Variants in REXO5 observed in about 807,000 individuals in gnomAD.
REXO5 encodes exonuclease NEF-sp.
In REXO5, 48 loss-of-function variants were observed where a neutral mutation model predicts 88.5. The ratio of observed to expected loss-of-function variants is 0.54; its 90% CI spans 0.43 to 0.69. The LOEUF is 0.69. Among genes scored for constraint, REXO5 ranks in the 30% least tolerant of loss-of-function variants. REXO5 has a pLI of 0.00. For synonymous variants in REXO5, 311 were observed against 336.5 expected, an observed-to-expected ratio of 0.92 and a Z score of 0.83; for missense variants, 749 against 912.2, an observed-to-expected ratio of 0.82 and a Z score of 2.30.
chr16:20,812,734 G>A (rs1403946600), intron 2 of REXO5, among the ~76,000 whole-genome samples: 5 of 152,074 alleles, frequency 3.3e-5, no homozygotes, highest in Admixed American at 6.6e-5. Context: ...TGTTGAATGC[G>A]ATGTTCCCTC....
At chr16:20,840,203 C>T (rs1424763561) in intron 14 of REXO5, 128 bp from the exon 15 acceptor site, 1 of 755,036 alleles carries the variant, frequency 1.3e-6, no homozygotes, top group Non-Finnish European at 2.0e-6. Context: ...CTTCAGTGAA[C>T]ATCCTTGGAC....
chr16:20,848,726 A>G (rs2081648715), intron 19 of REXO5, among the ~76,000 whole-genome samples: 1 of 152,236 alleles, frequency 6.6e-6, no homozygotes, highest in South Asian at 2.1e-4. Context: ...GGAACTAACA[A>G]GTATTGAAGG....
chr16:20,845,334 C>T (rs1241957916), intron 18 of REXO5, 93 bp downstream of exon 18: 4 of 1,146,138 alleles, frequency 3.5e-6, no homozygotes, highest in Non-Finnish European at 4.9e-6. Flanking sequence ...CTACCCTGGC[C>T]CTCAGTCTTA....
At chr16:20,824,376 A>G in intron 6 of REXO5, 63 bp from the exon 7 acceptor site, 1 of 911,534 alleles carries the variant, frequency 1.1e-6, no homozygotes, top group South Asian at 1.4e-5. Context: ...ACCTGCTTGA[A>G]TCTAAGAGTG....
intron 4 of REXO5, 133 bp downstream of exon 4, chr16:20,815,186 T>C: frequency 3.6e-6 from 3 of 826,052 alleles, no homozygotes; most frequent in East Asian, 2.8e-5. Flanking sequence ...AAAAAGACCT[T>C]AGAGGCCTCA....
rs536485883 is a variant in REXO5, at chr16:20,835,167, C to CTTTCT, written c.1383+2057_1383+2061dup. 4.5e-3 allele frequency among the ~76,000 whole-genome samples: 685 copies of CTTTCT among 150,950 alleles called. 4 individuals carry two copies. The highest frequency in any genetic ancestry group is 0.015 in the African/African-American group (634 of 41,032). ...TTTCTTTCCTTCCTTCTTTTCTTAT[C>CTTTCT]TTTCTTTTCTTTTCTTTCTTATGTT... is the stretch of plus-strand genomic sequence containing the variant. On this transcript the variant is annotated intron_variant, in intron 13 of 19. Coordinates refer to ENST00000261377, the MANE Select transcript of REXO5 (RefSeq NM_030941.3).
At chr16:20,845,403 T>C (rs919100860) in intron 18 of REXO5, among the ~76,000 whole-genome samples, 162 bp downstream of exon 18, 1 of 152,060 alleles carries the variant, frequency 6.6e-6, no homozygotes, top group African/African-American at 2.4e-5. Flanking sequence ...TCTCTCATAC[T>C]TTTGCCCCCA....
rs2081662413 is a variant in REXO5, at chr16:20,849,604, A to T, written c.*124A>T. 1.3e-6 allele frequency: 1 copy of T among 792,002 alleles called. No individual in the cohort carries two copies. The highest frequency in any genetic ancestry group is 1.7e-5 in the African/African-American group (1 of 57,976). 49.1% of individuals were successfully genotyped at this position (792,002 alleles called of 1,614,324 possible). On this transcript the variant is annotated 3_prime_UTR_variant, in exon 20 of 20. Transcript: ENST00000261377. ...ATGGAAACTTGGTATAGCAGCTAAAAGAGTTTAGTTTGTTTATATGGCATG... is the reference window on the plus strand; with the variant it reads ...ATGGAAACTTGGTATAGCAGCTAAATGAGTTTAGTTTGTTTATATGGCATG...
In REXO5 at chr16:20,846,238, C is replaced by T. The variant is rs575227833; in HGVS notation, c.2142C>T (p.His714=). The T allele has an allele frequency of 4.5e-5, 73 of 1,613,872 alleles. 1 individual carries two copies. Among genetic ancestry groups the T allele is most frequent in the Middle Eastern group, 1.6e-4 (1 of 6,084 alleles). ...QEALQTLKLD[H]PKIAAWRWSR... ...GATCCCAGACTCTGAAACTGGACCA[C>T]CCGAAGATAGCAGCCTGGCGCTGGA... The change falls in exon 19 of 20, where the codon CAC becomes CAT. Residue 714 remains histidine, a synonymous_variant. Coordinates refer to ENST00000261377, the MANE Select transcript of REXO5 (RefSeq NM_030941.3).
intron 13 of REXO5, among the ~76,000 whole-genome samples, chr16:20,837,318 A>C (rs2081447824): frequency 6.6e-6 from 1 of 152,158 alleles, no homozygotes; most frequent in East Asian, 1.9e-4. Context: ...GATCATTCCA[A>C]GTCACTTTTT....
chr16:20,829,196 T>C (rs1228471611), intron 11 of REXO5, among the ~76,000 whole-genome samples: 1 of 152,208 alleles, frequency 6.6e-6, no homozygotes, highest in Non-Finnish European at 1.5e-5. Context: ...ATACACACTT[T>C]TCTGGGATAT....
intron 14 of REXO5, 140 bp downstream of exon 14, chr16:20,839,999 TA>T: frequency 1.6e-6 from 1 of 630,682 alleles, no homozygotes; most frequent in Non-Finnish European, 2.7e-6. Flanking sequence ...CATTTAAAAA[TA>T]TTTTTATGAA....
At chr16:20,845,990 G>A (rs1046018484) in intron 18 of REXO5, among the ~76,000 whole-genome samples, 1 of 152,192 alleles carries the variant, frequency 6.6e-6, no homozygotes, top group African/African-American at 2.4e-5. Flanking sequence ...CCCATGTGGA[G>A]GAAAGGACAG....
At chr16:20,836,447 C>G (rs2081431254) in intron 13 of REXO5, among the ~76,000 whole-genome samples, 1 of 152,042 alleles carries the variant, frequency 6.6e-6, no homozygotes, top group South Asian at 2.1e-4. Context: ...CATGTCTTTT[C>G]ACTGCTTTAT....
At chr16:20,820,232 C>CT (rs2081148372) in intron 5 of REXO5, among the ~76,000 whole-genome samples, 1 of 152,078 alleles carries the variant, frequency 6.6e-6, no homozygotes, top group African/African-American at 2.4e-5. Flanking sequence ...ACAGACCTTT[C>CT]TTTCTTCATT....
At chr16:20,842,628 T>C (rs2081547443) in intron 15 of REXO5, among the ~76,000 whole-genome samples, 1 of 152,018 alleles carries the variant, frequency 6.6e-6, no homozygotes, top group South Asian at 2.1e-4. Context: ...CACGCCTGGC[T>C]AATTTTTTGT....
At chr16:20,834,781 C>A (rs2081399931) in intron 13 of REXO5, among the ~76,000 whole-genome samples, 1 of 152,096 alleles carries the variant, frequency 6.6e-6, no homozygotes, top group South Asian at 2.1e-4. Context: ...GTATTTTTTA[C>A]CTCTAGAAGT....
intron 2 of REXO5, among the ~76,000 whole-genome samples, chr16:20,812,407 C>T (rs2152499938): frequency 6.6e-6 from 1 of 152,186 alleles, no homozygotes; most frequent in African/African-American, 2.4e-5. Flanking sequence ...CATCTGTGGT[C>T]CCAGCTACTC....
intron 3 of REXO5, among the ~76,000 whole-genome samples, chr16:20,814,234 G>C (rs1418233869): frequency 6.6e-6 from 1 of 152,010 alleles, no homozygotes; most frequent in African/African-American, 2.4e-5. Flanking sequence ...GGTGGAGCAG[G>C]ATTTGACATT....
Sources: gnomAD v4.1 joint callset for allele counts (sites outside exome capture counted in the v4.1 genomes callset) on GRCh38, gnomAD v4.1.1 for gene constraint, MANE v1.5 for transcripts, NCBI Gene and HGNC (gene_info 2026-07-23, HGNC 2026-07-21) for gene names.